The following ERG variants were observed in gnomAD, a reference collection of about 807,000 sequenced individuals.
The protein encoded by ERG is transcriptional regulator ERG.
Under a neutral mutation model 55.3 loss-of-function variants are expected in ERG, and 9 were observed. That is an observed-to-expected ratio of 0.16 (90% CI 0.10 to 0.28). The LOEUF (loss-of-function observed/expected upper bound fraction) is 0.28, where lower values mean the gene tolerates loss of function less well. ERG is among the 10% of genes least tolerant of loss of function. ERG has a pLI of 1.00. For synonymous variants in ERG, 223 were observed against 237.3 expected (o/e 0.94, Z 0.55); for missense variants, 434 against 631.6 (o/e 0.69, Z 3.35).
chr21:38,439,582 G>A (rs978815992), intron 2 of ERG, among the ~76,000 whole-genome samples: 2 of 152,176 alleles, frequency 1.3e-5, no homozygotes, highest in East Asian at 1.9e-4. Flanking sequence ...GTGGACCACC[G>A]AAGCTGAAAA....
At chr21:38,408,848 C>T (rs1988904241) in intron 3 of ERG, among the ~76,000 whole-genome samples, 1 of 152,168 alleles carries the variant, frequency 6.6e-6, no homozygotes, top group South Asian at 2.1e-4. Context: ...TAAGCCCCAG[C>T]CGAGGCATCA....
chr21:38,611,762 ATC>A (rs2060228733), intron 1 of ERG, among the ~76,000 whole-genome samples: 1 of 152,036 alleles, frequency 6.6e-6, no homozygotes, highest in Non-Finnish European at 1.5e-5. Context: ...GGGGACATTC[ATC>A]TGTTTGGCTC....
intron 2 of ERG, among the ~76,000 whole-genome samples, chr21:38,564,589 T>C (rs974829068): frequency 9.2e-5 from 14 of 152,064 alleles, no homozygotes; most frequent in African/African-American, 2.9e-4. Context: ...CTCTCTCTCT[T>C]TTTTTTTGTT....
At chr21:38,518,292 TTATA>T (rs1470712296) in intron 2 of ERG, among the ~76,000 whole-genome samples, 2 of 146,714 alleles carry the variant, frequency 1.4e-5, no homozygotes, top group Non-Finnish European at 3.0e-5. Context: ...ATCTATCTAT[TTATA>T]GTATCCATTT....
intron 2 of ERG, among the ~76,000 whole-genome samples, chr21:38,550,763 G>T (rs916375722): frequency 3.9e-5 from 6 of 152,216 alleles, no homozygotes; most frequent in African/African-American, 1.4e-4. Flanking sequence ...AGAAAACAGA[G>T]ACTATAACTA....
intron 3 of ERG, among the ~76,000 whole-genome samples, chr21:38,415,788 T>C (rs1383893249): frequency 2.6e-5 from 4 of 151,938 alleles, no homozygotes; most frequent in Non-Finnish European, 4.4e-5. Flanking sequence ...CTGCAACCCC[T>C]GCGAGTCTGC....
At position 38,476,843 on chromosome 21, in the gene ERG, G is replaced by C. The variant is rs182485628; in HGVS notation, c.18+21520C>G. ...ATAACTCTGGTAACTTTTGGCCTTG[G>C]TGTGAGTGGGCTGAGGTTATTAGCG... is the stretch of plus-strand genomic sequence containing the variant. On this transcript the variant is annotated intron_variant, in intron 1 of 9. Coordinates refer to ENST00000288319, the MANE Select transcript of ERG (RefSeq NM_182918.4). Among the ~76,000 whole-genome samples the C allele has an allele frequency of 4.0e-4, 61 of 152,242 alleles. 3 individuals carry two copies. Among genetic ancestry groups the C allele is most frequent in the Admixed American group, 3.8e-3 (58 of 15,292 alleles).
intron 2 of ERG, among the ~76,000 whole-genome samples, chr21:38,424,460 G>A (rs1307017586): frequency 1.3e-5 from 2 of 152,168 alleles, no homozygotes; most frequent in South Asian, 4.2e-4. Flanking sequence ...AAGGGAGGCG[G>A]AACTACCACC....
chr21:38,433,055 A>G (rs1282742882), intron 2 of ERG, among the ~76,000 whole-genome samples: 1 of 152,214 alleles, frequency 6.6e-6, no homozygotes, highest in Non-Finnish European at 1.5e-5. Flanking sequence ...GAAGGTGGCA[A>G]TGTTTATGTA....
At chr21:38,632,078 A>G (rs1237657687) in intron 1 of ERG, among the ~76,000 whole-genome samples, 2 of 152,146 alleles carry the variant, frequency 1.3e-5, no homozygotes, top group Admixed American at 6.5e-5. Context: ...TAAGAAGGGT[A>G]TAACATAGTG....
intron 2 of ERG, among the ~76,000 whole-genome samples, chr21:38,424,045 T>A (rs1266106163): frequency 6.6e-6 from 1 of 152,032 alleles, no homozygotes; most frequent in Non-Finnish European, 1.5e-5. Context: ...CCGAAATGCA[T>A]ATTTTGAAGC....
intron 6 of ERG, among the ~76,000 whole-genome samples, chr21:38,395,890 T>G (rs1988186989): frequency 6.6e-6 from 1 of 152,176 alleles, no homozygotes; most frequent in African/African-American, 2.4e-5. Flanking sequence ...TCAAACTCAC[T>G]GAGGAGGAAC....
upstream of ERG, among the ~76,000 whole-genome samples, chr21:38,499,978 T>C (rs2059409248): frequency 6.6e-6 from 1 of 152,144 alleles, no homozygotes. Context: ...TGAGGGGGTG[T>C]TGATTTCCGC....
At chr21:38,468,807 A>C (rs1468212648) in intron 1 of ERG, among the ~76,000 whole-genome samples, 1 of 151,908 alleles carries the variant, frequency 6.6e-6, no homozygotes, top group African/African-American at 2.4e-5. Context: ...AACACGGTGA[A>C]ACCCTGTCTC....
At chr21:38,399,082 G>A (rs1286261048) in intron 6 of ERG, among the ~76,000 whole-genome samples, 1 of 152,176 alleles carries the variant, frequency 6.6e-6, no homozygotes, top group Non-Finnish European at 1.5e-5. Context: ...TACACGTGGT[G>A]GATGTCTTTA....
intron 2 of ERG, among the ~76,000 whole-genome samples, chr21:38,445,121 T>C (rs1207791204): frequency 6.6e-6 from 1 of 151,664 alleles, no homozygotes; most frequent in East Asian, 1.9e-4. Context: ...ATGGCCTTTC[T>C]TTCTTTCTTT....
At chr21:38,506,453 A>C (rs1357198763) in intron 2 of ERG, among the ~76,000 whole-genome samples, 3 of 152,204 alleles carry the variant, frequency 2.0e-5, no homozygotes, top group Non-Finnish European at 4.4e-5. Flanking sequence ...CTCAAAAAAA[A>C]CGTGTAGTAT....
chr21:38,635,926 T>C (rs1322058975), intron 1 of ERG, among the ~76,000 whole-genome samples: 1 of 152,216 alleles, frequency 6.6e-6, no homozygotes, highest in African/African-American at 2.4e-5. Context: ...TCTAGGTCTC[T>C]ATTTTCCCAT....
intron 1 of ERG, among the ~76,000 whole-genome samples, chr21:38,576,426 C>CA (rs1243518984): frequency 2.0e-5 from 3 of 151,704 alleles, no homozygotes; most frequent in Admixed American, 6.6e-5. Context: ...CTCCAGAGCC[C>CA]AAAAAAAATT....
Sources: gnomAD v4.1 joint callset for allele counts (sites outside exome capture counted in the v4.1 genomes callset) on GRCh38, gnomAD v4.1.1 for gene constraint, MANE v1.5 for transcripts, NCBI Gene and HGNC (gene_info 2026-07-23, HGNC 2026-07-21) for gene names.